The following NUDCD1 variants were observed in gnomAD, a reference collection of about 807,000 sequenced individuals.
NUDCD1 encodes nudC domain-containing protein 1.
A neutral mutation model predicts 67.8 loss-of-function variants in NUDCD1; 60 were observed. The ratio of observed to expected loss-of-function variants is 0.88; its 90% CI spans 0.72 to 1.10. The LOEUF (loss-of-function observed/expected upper bound fraction) is 1.10. Among genes scored for constraint, NUDCD1 ranks in the 50% least tolerant of loss-of-function variants. The pLI is 0.00. For synonymous variants in NUDCD1, 244 were observed against 230.8 expected (o/e 1.06, Z -0.52); for missense variants, 643 against 695.0 (o/e 0.93, Z 0.84).
intron 2 of NUDCD1, among the ~76,000 whole-genome samples, chr8:109,305,813 G>A (rs912610894): frequency 8.6e-5 from 13 of 152,046 alleles, no homozygotes; most frequent in African/African-American, 2.4e-4. Flanking sequence ...CAGGACCCCC[G>A]CATTAGGTTC....
chr8:109,292,614 A>G (rs986825868), intron 4 of NUDCD1, among the ~76,000 whole-genome samples: 1 of 152,192 alleles, frequency 6.6e-6, no homozygotes, highest in Non-Finnish European at 1.5e-5. Flanking sequence ...TGAGAAAAAG[A>G]GCATAGAGTC....
chr8:109,293,674 A>C, intron 3 of NUDCD1, 150 bp from the exon 4 acceptor site: 2 of 434,698 alleles, frequency 4.6e-6, no homozygotes, highest in Non-Finnish European at 8.0e-6. Context: ...CCTTTACATA[A>C]AGACTGCAAG....
intron 2 of NUDCD1, among the ~76,000 whole-genome samples, chr8:109,299,445 G>A (rs980501367): frequency 1.3e-5 from 2 of 152,124 alleles, no homozygotes; most frequent in African/African-American, 2.4e-5. Flanking sequence ...CCCTCGGATT[G>A]CATGGGAATT....
intron 6 of NUDCD1, among the ~76,000 whole-genome samples, chr8:109,276,523 A>T (rs1165563437): frequency 1.3e-5 from 2 of 152,238 alleles, no homozygotes; most frequent in East Asian, 3.8e-4. Flanking sequence ...AGACTGTTAC[A>T]ATCACTACCT....
chr8:109,271,780 CA>C (rs1336505315), intron 7 of NUDCD1, among the ~76,000 whole-genome samples: 2 of 151,840 alleles, frequency 1.3e-5, no homozygotes, highest in Non-Finnish European at 2.9e-5. Context: ...TTCCTAAAAG[CA>C]GACAGAGGAG....
At chr8:109,256,320 G>C (rs1314961651) in intron 8 of NUDCD1, among the ~76,000 whole-genome samples, 5 of 152,168 alleles carry the variant, frequency 3.3e-5, no homozygotes, top group Admixed American at 3.3e-4. Context: ...GCAAAATCAA[G>C]TTAGAAGATC....
At chr8:109,246,956 T>C (rs1043806080) in intron 8 of NUDCD1, among the ~76,000 whole-genome samples, 1 of 152,180 alleles carries the variant, frequency 6.6e-6, no homozygotes, top group Non-Finnish European at 1.5e-5. Context: ...GAATACAGTG[T>C]CAGAGCAACC....
At chr8:109,326,740 T>C (rs993698593) in intron 1 of NUDCD1, among the ~76,000 whole-genome samples, 1 of 152,132 alleles carries the variant, frequency 6.6e-6, no homozygotes, top group Non-Finnish European at 1.5e-5. Flanking sequence ...TTTTCACACA[T>C]GAAAACCACA....
intron 8 of NUDCD1, among the ~76,000 whole-genome samples, chr8:109,252,024 A>T (rs1813633638): frequency 6.6e-6 from 1 of 152,086 alleles, no homozygotes; most frequent in East Asian, 1.9e-4. Context: ...GTTTTGCTCG[A>T]GTACTTTCCT....
chr8:109,321,025 C>CT, intron 2 of NUDCD1, among the ~76,000 whole-genome samples: 1 of 152,306 alleles, frequency 6.6e-6, no homozygotes, highest in East Asian at 1.9e-4. Context: ...CCTTTTATAA[C>CT]TTTTTTGGTT....
intron 5 of NUDCD1, 100 bp from the exon 6 acceptor site, chr8:109,281,272 T>C (rs1157477911): frequency 1.5e-6 from 1 of 685,658 alleles, no homozygotes; most frequent in East Asian, 2.6e-5. Context: ...TTACTAGTGA[T>C]CATCTCACAA....
chr8:109,305,011 C>G (rs1184667283), intron 2 of NUDCD1, among the ~76,000 whole-genome samples: 2 of 152,318 alleles, frequency 1.3e-5, no homozygotes, highest in Admixed American at 1.3e-4. Context: ...AGGTTACAAG[C>G]CACTAGCCCA....
chr8:109,250,259 T>C (rs889260737), intron 8 of NUDCD1, among the ~76,000 whole-genome samples: 2 of 152,218 alleles, frequency 1.3e-5, no homozygotes, highest in African/African-American at 4.8e-5. Flanking sequence ...ACTAAGTATT[T>C]CATACAGCTA....
Position 109,243,305 on chromosome 8 carries a change from C to A in NUDCD1, c.1460-4G>T, listed in dbSNP as rs2129844894. The A allele has an allele frequency of 3.9e-6, 6 of 1,555,824 alleles. No homozygotes were observed. Among genetic ancestry groups the A allele is most frequent in the South Asian group, 3.6e-5 (3 of 82,774 alleles). On this transcript the variant is annotated splice_region_variant and splice_polypyrimidine_tract_variant and intron_variant, in intron 9 of 9. Transcript: ENST00000239690. ...CTCTTTGATGCTTGGACATAGCCTGCCAAGAATATGAGACAAACAAAAGAA... is the reference window on the plus strand; with the variant it reads ...CTCTTTGATGCTTGGACATAGCCTGACAAGAATATGAGACAAACAAAAGAA...
intron 2 of NUDCD1, among the ~76,000 whole-genome samples, chr8:109,309,074 G>A (rs1311444905): frequency 6.6e-6 from 1 of 151,378 alleles, no homozygotes; most frequent in Non-Finnish European, 1.5e-5. Context: ...TATTCCACAA[G>A]ACAGAGAAAG....
At chr8:109,278,247 G>C (rs926165787) in intron 6 of NUDCD1, among the ~76,000 whole-genome samples, 2 of 152,008 alleles carry the variant, frequency 1.3e-5, no homozygotes, top group Non-Finnish European at 2.9e-5. Context: ...TAATTACTAA[G>C]ACTTGATTTA....
intron 9 of NUDCD1, among the ~76,000 whole-genome samples, chr8:109,243,994 T>C (rs1813439266): frequency 6.6e-6 from 1 of 152,138 alleles, no homozygotes; most frequent in Admixed American, 6.6e-5. Context: ...TCTTTTTGGA[T>C]TAAAACAACA....
chr8:109,300,231 T>C (rs912501645), intron 2 of NUDCD1, among the ~76,000 whole-genome samples: 12 of 152,090 alleles, frequency 7.9e-5, no homozygotes, highest in African/African-American at 2.9e-4. Context: ...TTCACCAGCA[T>C]TGAATCCAAA....
At position 109,277,355 on chromosome 8, in the gene NUDCD1, T is replaced by C. The variant is rs1274421397; in HGVS notation, c.1029-1859A>G. On this transcript the variant is annotated intron_variant, in intron 6 of 9. Transcript: ENST00000239690. ...AAGAGGTCTGAAAGAGTTGATACAA[T>C]CTGTTATAATTTCCAAACCATCATT... Among the ~76,000 whole-genome samples, 4 of 152,184 alleles carry C rather than the reference T, an allele frequency of 2.6e-5. No homozygotes were observed. The East Asian group carries it at 7.7e-4, about 29-fold the overall frequency.
Sources: allele counts gnomAD v4.1 joint callset (sites outside exome capture counted in the v4.1 genomes callset), GRCh38; gene constraint gnomAD v4.1.1; transcripts MANE v1.5; gene names NCBI Gene and HGNC (gene_info 2026-07-23, HGNC 2026-07-21).